Variants in AGBL1 observed in about 807,000 individuals in gnomAD.
AGBL1 encodes cytosolic carboxypeptidase 4.
A neutral mutation model predicts 118.9 loss-of-function variants in AGBL1; 130 were observed. The observed-to-expected ratio is 1.09, with a 90% CI of 0.95 to 1.26. The LOEUF is 1.26. Ranked by LOEUF, AGBL1 falls within the 50% of genes most tolerant of loss-of-function variation. The pLI is 0.00. For synonymous variants in AGBL1, 555 were observed against 478.9 expected (o/e 1.16, Z -2.08); for missense variants, 1,584 against 1,298.1 (o/e 1.22, Z -3.38).
At chr15:86,798,148 T>C (rs2078599776) in intron 22 of AGBL1, among the ~76,000 whole-genome samples, 1 of 152,268 alleles carries the variant, frequency 6.6e-6, no homozygotes, top group Middle Eastern at 3.4e-3. Context: ...AAATTCAGTT[T>C]CAATATCTAC....
intron 17 of AGBL1, among the ~76,000 whole-genome samples, chr15:86,376,935 TC>T (rs2081049492): frequency 6.6e-6 from 1 of 152,226 alleles, no homozygotes; most frequent in African/African-American, 2.4e-5. Context: ...TTGTCCAAAA[TC>T]ACCTTGCAAA....
chr15:86,340,371 A>G (rs979772895), intron 17 of AGBL1, among the ~76,000 whole-genome samples: 13 of 151,980 alleles, frequency 8.6e-5, no homozygotes, highest in African/African-American at 2.9e-4. Context: ...AGATGAAATT[A>G]ATTAAGGGTC....
intron 24 of AGBL1, among the ~76,000 whole-genome samples, chr15:87,006,227 A>G (rs1475643601): frequency 6.6e-6 from 1 of 152,208 alleles, no homozygotes; most frequent in Non-Finnish European, 1.5e-5. Context: ...GCTGTCAGAC[A>G]GGGACATTTA....
chr15:86,503,291 C>T (rs937689560), intron 18 of AGBL1, among the ~76,000 whole-genome samples: 5 of 151,366 alleles, frequency 3.3e-5, no homozygotes, highest in African/African-American at 9.7e-5. Flanking sequence ...AATGTTCCCT[C>T]TGTCATTTCT....
chr15:86,465,529 T>C (rs2082391884), intron 18 of AGBL1, among the ~76,000 whole-genome samples: 1 of 152,138 alleles, frequency 6.6e-6, no homozygotes, highest in Admixed American at 6.5e-5. Flanking sequence ...AGAAAGCGAA[T>C]AGGAGAAATA....
intron 1 of AGBL1, among the ~76,000 whole-genome samples, chr15:86,102,546 C>G (rs528105863): frequency 6.6e-6 from 1 of 152,238 alleles, no homozygotes; most frequent in South Asian, 2.1e-4. Flanking sequence ...TGAAGGATAA[C>G]TTTGCTGTGT....
At chr15:86,112,289 T>C (rs1464761785) in intron 1 of AGBL1, among the ~76,000 whole-genome samples, 3 of 152,194 alleles carry the variant, frequency 2.0e-5, no homozygotes, top group African/African-American at 7.2e-5. Context: ...GAAAGGCTGA[T>C]AACGATGTAT....
At chr15:86,566,840 A>C (rs992828727) in intron 21 of AGBL1, among the ~76,000 whole-genome samples, 4 of 152,182 alleles carry the variant, frequency 2.6e-5, no homozygotes. Context: ...AGCAGAGTTT[A>C]TTGTTTAATA....
At chr15:86,775,419 C>T (rs1179133634) in intron 22 of AGBL1, among the ~76,000 whole-genome samples, 1 of 152,070 alleles carries the variant, frequency 6.6e-6, no homozygotes, top group East Asian at 1.9e-4. Flanking sequence ...TTAGTTCGCT[C>T]CATGAAGAAA....
At chr15:86,754,539 C>T (rs913645502) in intron 22 of AGBL1, among the ~76,000 whole-genome samples, 2 of 151,950 alleles carry the variant, frequency 1.3e-5, no homozygotes, top group Non-Finnish European at 2.9e-5. Flanking sequence ...TTGTGTCTGT[C>T]CATGAGTCCA....
At chr15:86,245,173 AAG>A (rs1425675573) in intron 6 of AGBL1, among the ~76,000 whole-genome samples, 4 of 152,210 alleles carry the variant, frequency 2.6e-5, no homozygotes, top group Admixed American at 2.6e-4. Context: ...AGCAGAAAAA[AAG>A]AGAGTTTTAT....
chr15:86,395,118 C>T (rs184540595), intron 17 of AGBL1, among the ~76,000 whole-genome samples: 67 of 152,224 alleles, frequency 4.4e-4, no homozygotes, highest in Admixed American at 3.5e-3. Flanking sequence ...GACACTGACT[C>T]TATGGTTGAG....
At chr15:86,736,304 C>T (rs2077597974) in intron 22 of AGBL1, among the ~76,000 whole-genome samples, 1 of 151,716 alleles carries the variant, frequency 6.6e-6, no homozygotes, top group East Asian at 1.9e-4. Context: ...GGCTTGAACC[C>T]GGGAGGCGGA....
chr15:86,712,699 C>G (rs543175293), intron 22 of AGBL1, among the ~76,000 whole-genome samples: 2 of 152,238 alleles, frequency 1.3e-5, no homozygotes, highest in East Asian at 3.9e-4. Flanking sequence ...TCCTGGGATA[C>G]GGGCCTTTTG....
chr15:86,999,122 T>A (rs1046718001), intron 24 of AGBL1, among the ~76,000 whole-genome samples: 2 of 150,894 alleles, frequency 1.3e-5, no homozygotes, highest in Admixed American at 1.3e-4. Flanking sequence ...TTTTCGTCCT[T>A]CGATAGTTTG....
intron 5 of AGBL1, among the ~76,000 whole-genome samples, chr15:86,218,181 G>C (rs2078220648): frequency 6.6e-6 from 1 of 152,122 alleles, no homozygotes; most frequent in African/African-American, 2.4e-5. Context: ...TTAGGCTAGG[G>C]TGACAACAGC....
intron 3 of AGBL1, among the ~76,000 whole-genome samples, chr15:86,149,861 G>A (rs1247202159): frequency 6.6e-6 from 1 of 152,100 alleles, no homozygotes; most frequent in Non-Finnish European, 1.5e-5. Context: ...TTCTAAAATA[G>A]ACCACATAAT....
chr15:86,842,641 T>A (rs1283879731), intron 22 of AGBL1, among the ~76,000 whole-genome samples: 2 of 152,114 alleles, frequency 1.3e-5, no homozygotes, highest in African/African-American at 4.8e-5. Context: ...AGCAGGAAAG[T>A]GAGGAGTATG....
At chr15:86,224,802 G>T in intron 5 of AGBL1, 112 bp from the exon 6 acceptor site, 2 of 963,886 alleles carry the variant, frequency 2.1e-6, no homozygotes, top group South Asian at 1.4e-5. Flanking sequence ...CCTGCTACCT[G>T]GTTAATCATG....
Sources: allele counts gnomAD v4.1 joint callset (sites outside exome capture counted in the v4.1 genomes callset), GRCh38; gene constraint gnomAD v4.1.1; transcripts MANE v1.5; gene names NCBI Gene and HGNC (gene_info 2026-07-23, HGNC 2026-07-21).